The following GABBR2 variants were observed in gnomAD, a reference collection of about 807,000 sequenced individuals.
The protein encoded by GABBR2 is gamma-aminobutyric acid type B receptor subunit 2.
In GABBR2, 23 loss-of-function variants were observed where a neutral mutation model predicts 105.6. The ratio of observed to expected loss-of-function variants is 0.22; its 90% CI spans 0.16 to 0.31. GABBR2 has a LOEUF of 0.31. GABBR2 is among the 10% of genes least tolerant of loss of function. The pLI is 1.00. For missense variants in GABBR2, 734 were observed against 1,245.5 expected (o/e 0.59, Z 6.18); for synonymous variants, 478 against 499.7 (o/e 0.96, Z 0.58).
At chr9:98,474,762 G>A (rs1227929286) in intron 5 of GABBR2, among the ~76,000 whole-genome samples, 1 of 152,184 alleles carries the variant, frequency 6.6e-6, no homozygotes, top group Non-Finnish European at 1.5e-5. Context: ...AGGCTAAAGT[G>A]AGGGTCTGTC....
chr9:98,437,371 C>T (rs1825944138), intron 7 of GABBR2, among the ~76,000 whole-genome samples: 2 of 151,960 alleles, frequency 1.3e-5, no homozygotes, highest in Non-Finnish European at 2.9e-5. Context: ...TATCCACCTG[C>T]TATCATCTAT....
At chr9:98,362,898 T>TG (rs2131445629) in intron 12 of GABBR2, 61 bp from the exon 13 acceptor site, 2 of 1,417,526 alleles carry the variant, frequency 1.4e-6, no homozygotes, top group Non-Finnish European at 1.9e-6. Context: ...ACGCAGCAAC[T>TG]GGGGGCCCAG....
At chr9:98,641,792 T>A (rs1243243851) in intron 1 of GABBR2, among the ~76,000 whole-genome samples, 1 of 152,142 alleles carries the variant, frequency 6.6e-6, no homozygotes, top group Non-Finnish European at 1.5e-5. Context: ...ACCAAATTAT[T>A]AATAGCATCT....
At chr9:98,686,587 G>A (rs780731416) in intron 1 of GABBR2, among the ~76,000 whole-genome samples, 9 of 152,006 alleles carry the variant, frequency 5.9e-5, no homozygotes, top group Admixed American at 5.2e-4. Flanking sequence ...GTAGAGATGG[G>A]GTTTCACCAT....
At chr9:98,552,960 C>T (rs967444935) in intron 2 of GABBR2, among the ~76,000 whole-genome samples, 2 of 151,962 alleles carry the variant, frequency 1.3e-5, no homozygotes, top group African/African-American at 4.8e-5. Context: ...CACTGCAGCC[C>T]GGAACTCTTG....
At chr9:98,532,790 A>T (rs1828091869) in intron 3 of GABBR2, among the ~76,000 whole-genome samples, 1 of 152,124 alleles carries the variant, frequency 6.6e-6, no homozygotes, top group African/African-American at 2.4e-5. Context: ...CTGGTGTAGA[A>T]GTCAGTATTG....
chr9:98,689,740 A>G (rs983568995), intron 1 of GABBR2, among the ~76,000 whole-genome samples: 38 of 152,228 alleles, frequency 2.5e-4, no homozygotes, highest in Non-Finnish European at 4.9e-4. Flanking sequence ...TAACGCTATT[A>G]TGTCAGTTAT....
intron 12 of GABBR2, among the ~76,000 whole-genome samples, chr9:98,369,991 C>T (rs1472973398): frequency 2.0e-5 from 3 of 152,012 alleles, no homozygotes; most frequent in Admixed American, 1.3e-4. Context: ...TCTTTGCAGC[C>T]TGGGGGACCC....
chr9:98,320,599 C>T lies in GABBR2; in HGVS notation c.1894-9394G>A, dbSNP rs906433783. On this transcript the variant is annotated intron_variant, in intron 13 of 18. Coordinates refer to ENST00000259455, the MANE Select transcript of GABBR2 (RefSeq NM_005458.8). Reference sequence around the variant, plus strand: ...AACCCAAATGTCCAACAACGATAGACTGGGTTAAGCAAATGTGGCACATAT... The same window carrying T: ...AACCCAAATGTCCAACAACGATAGATTGGGTTAAGCAAATGTGGCACATAT... 4.9e-4 allele frequency among the ~76,000 whole-genome samples: 74 copies of T among 152,138 alleles called. 1 individual carries two copies. The highest frequency in any genetic ancestry group is 2.8e-4 in the Non-Finnish European group (19 of 68,028).
chr9:98,641,043 G>A (rs1408613984), intron 1 of GABBR2, among the ~76,000 whole-genome samples: 2 of 152,054 alleles, frequency 1.3e-5, no homozygotes, highest in African/African-American at 4.8e-5. Context: ...ACATACCTGG[G>A]CTTCCTTCTC....
At position 98,306,455 on chromosome 9, in the gene GABBR2, G is replaced by T; in HGVS notation, c.2005-110C>A. 3.4e-5 allele frequency: 20 copies of T among 588,820 alleles called. No individual in the cohort carries two copies. Among genetic ancestry groups the T allele is most frequent in the East Asian group, 1.4e-4 (4 of 28,476 alleles). The allele number at this position is 588,820 out of a possible 1,614,324, so 36.5% of individuals were successfully genotyped here. ...GGTTACTCAGGAGGTGGGCTGCAGG[G>T]AGGGAGGGTCGGGGGCCTTGCTGTC... is the stretch of plus-strand genomic sequence containing the variant. On this transcript the variant is annotated intron_variant, in intron 14 of 18. Coordinates refer to ENST00000259455, the MANE Select transcript of GABBR2 (RefSeq NM_005458.8). The surrounding 1 kb of genome is among the most constrained non-coding windows in gnomAD (Gnocchi z 5.4).
At chr9:98,605,653 G>A (rs977987850) in intron 1 of GABBR2, among the ~76,000 whole-genome samples, 3 of 152,156 alleles carry the variant, frequency 2.0e-5, no homozygotes, top group Non-Finnish European at 4.4e-5. Flanking sequence ...TTCTTTAACT[G>A]AGGCTTCAAA....
rs552580923 is a variant in GABBR2 at position 98,478,428 on chromosome 9, C to A, written c.798+2504G>T. 6.4e-4 allele frequency among the ~76,000 whole-genome samples: 97 copies of A among 152,262 alleles called. 2 individuals are homozygous for A. The South Asian group carries it at 0.02, about 31-fold the overall frequency. On this transcript the variant is annotated intron_variant, in intron 5 of 18. Transcript: ENST00000259455. Reference sequence around the variant, plus strand: ...AGACAAGACCATAAGTCCTTGAGGGCAGATTCCATCTGGGGACCCAACACA... The same window carrying A: ...AGACAAGACCATAAGTCCTTGAGGGAAGATTCCATCTGGGGACCCAACACA...
At chr9:98,546,127 TTC>T (rs1315586259) in intron 2 of GABBR2, among the ~76,000 whole-genome samples, 1 of 152,234 alleles carries the variant, frequency 6.6e-6, no homozygotes. Context: ...TATTGAGATT[TTC>T]TTTGTGGCCT....
intron 1 of GABBR2, among the ~76,000 whole-genome samples, chr9:98,585,287 T>C (rs1304534873): frequency 6.6e-6 from 1 of 151,834 alleles, no homozygotes; most frequent in African/African-American, 2.4e-5. Flanking sequence ...GTGGCACATA[T>C]ACACCATGGA....
chr9:98,455,582 G>A (rs754091346), intron 6 of GABBR2, among the ~76,000 whole-genome samples: 1 of 152,176 alleles, frequency 6.6e-6, no homozygotes, highest in African/African-American at 2.4e-5. Flanking sequence ...GGGGGGGCGC[G>A]GCACCAGACT....
intron 2 of GABBR2, among the ~76,000 whole-genome samples, chr9:98,552,712 G>A (rs1365301207): frequency 3.3e-5 from 5 of 152,166 alleles, no homozygotes; most frequent in African/African-American, 1.2e-4. Context: ...CTGGGGTATC[G>A]TGCATAGACT....
intron 16 of GABBR2, 105 bp from the exon 17 acceptor site, chr9:98,299,458 C>G: frequency 8.4e-7 from 1 of 1,191,560 alleles, no homozygotes; most frequent in East Asian, 2.3e-5. Context: ...TACCTGTATT[C>G]AGGAGTGCCC....
At position 98,473,221 on chromosome 9, in the gene GABBR2, A is replaced by G; in HGVS notation, c.924T>C (p.Leu308=). The part of the protein sequence containing the change: ...NSSRCLRKNL[L]AAMEGYIGVD... ...CGCCAATGTAGCCCTCCATGGCAGC[A>G]AGCAGATTCTTCCGGAGGCAGCGGG... Residue 308 remains leucine (L), a synonymous_variant, in exon 6 of 19, where the codon CTT becomes CTC. Coordinates refer to ENST00000259455, the MANE Select transcript of GABBR2 (RefSeq NM_005458.8). The G allele has an allele frequency of 6.2e-6, 10 of 1,613,948 alleles. No homozygotes were observed. The highest frequency in any genetic ancestry group is 8.5e-6 in the Non-Finnish European group (10 of 1,179,950).
Sources: gnomAD v4.1 joint callset for allele counts (sites outside exome capture counted in the v4.1 genomes callset) on GRCh38, gnomAD v4.1.1 for gene constraint, Gnocchi (gnomAD v3.1) non-coding constraint, MANE v1.5 for transcripts, NCBI Gene and HGNC (gene_info 2026-07-23, HGNC 2026-07-21) for gene names.